Variants in CDC42EP4 observed in about 807,000 individuals in gnomAD.
The protein encoded by CDC42EP4 is CDC42 effector protein (Rho GTPase binding) 4.
In CDC42EP4, 6 loss-of-function variants were observed where a neutral mutation model predicts 5.6. The observed-to-expected ratio is 1.07, with a 90% CI of 0.59 to 2.12. CDC42EP4 has a LOEUF of 2.12. CDC42EP4 is among the 30% of genes most tolerant of loss of function. CDC42EP4 has a pLI of 0.00. For missense variants in CDC42EP4, 490 were observed against 508.6 expected, an observed-to-expected ratio of 0.96 and a Z score of 0.35; for synonymous variants, 230 against 224.2, an observed-to-expected ratio of 1.03 and a Z score of -0.23.
At position 73,299,444 on chromosome 17, in the gene CDC42EP4, T is replaced by A. The variant is rs5821958; in HGVS notation, c.-113+12449A>T. ...GACTCCGTCCTAAAAAAAAAAAAAA[T>A]ACACACACACACACACACACACACA... is the stretch of plus-strand genomic sequence containing the variant. On this transcript the variant is annotated intron_variant, in intron 1 of 1. Transcript: ENST00000335793. 1.4e-3 allele frequency among the ~76,000 whole-genome samples: 173 copies of A among 127,968 alleles called. 1 individual carries two copies. Among genetic ancestry groups the A allele is most frequent in the South Asian group, 5.3e-3 (20 of 3,760 alleles). 84.0% of individuals were successfully genotyped at this position (127,968 alleles called of 152,430 possible). A position where few individuals can be genotyped will look rare whatever the true frequency, so the allele number is the denominator to read the frequency against.
chr17:73,300,412 G>T (rs2145321838), intron 1 of CDC42EP4, among the ~76,000 whole-genome samples: 1 of 152,282 alleles, frequency 6.6e-6, no homozygotes, highest in African/African-American at 2.4e-5. Context: ...AGGGATCATA[G>T]AGTGACCTGG....
Position 73,295,554 on chromosome 17 carries a change from G to T in CDC42EP4, c.-112-8942C>A, listed in dbSNP as rs1414134316. On this transcript the variant is annotated intron_variant, in intron 1 of 1. Coordinates refer to ENST00000335793, the MANE Select transcript of CDC42EP4 (RefSeq NM_012121.5). ...GTCAAAATGGTCCCAGGGTGGGGTG[G>T]TCTTGCGGTACATGAAACTCCAGCA... 2.0e-5 allele frequency among the ~76,000 whole-genome samples: 3 copies of T among 152,160 alleles called. No individual in the cohort carries two copies. In the East Asian group the frequency reaches 5.8e-4, roughly 29 times the overall value.
chr17:73,298,606 C>T (rs2062200651), intron 1 of CDC42EP4, among the ~76,000 whole-genome samples: 1 of 152,238 alleles, frequency 6.6e-6, no homozygotes, highest in Non-Finnish European at 1.5e-5. Flanking sequence ...ATGAGGGCAA[C>T]CAGCACCCAG....
chr17:73,301,696 G>A (rs1423762221), intron 1 of CDC42EP4, among the ~76,000 whole-genome samples: 1 of 146,876 alleles, frequency 6.8e-6, no homozygotes, highest in Non-Finnish European at 1.5e-5. Context: ...ACAGGCACAC[G>A]CCACCATGCC....
rs746775824 is a variant in CDC42EP4 at position 73,285,643 on chromosome 17, C to G, written c.858G>C (p.Trp286Cys). 1.1e-4 allele frequency: 176 copies of G among 1,595,430 alleles called. No individual in the cohort carries two copies. Among genetic ancestry groups the G allele is most frequent in the Non-Finnish European group, 1.5e-4 (172 of 1,169,016 alleles). Reference sequence around the variant, plus strand: ...AGCCGGGGCTGGGGGCCGCTGCTGCCCACCCCTCATCCTCCAGAGCATGGG... The same window carrying G: ...AGCCGGGGCTGGGGGCCGCTGCTGCGCACCCCTCATCCTCCAGAGCATGGG... ...LPSHALEDEG[W>C]AAAAPSPGSA... is the part of the protein sequence containing the mutation. Residue 286 changes from tryptophan (W) to cysteine (C), a missense_variant, in exon 2 of 2, where the codon TGG (tryptophan) becomes TGC (cysteine). Transcript: ENST00000335793. This position sits in a 1 kb window ranked among gnomAD's most constrained non-coding sequence, Gnocchi z 6.8.
intron 1 of CDC42EP4, among the ~76,000 whole-genome samples, chr17:73,288,032 C>G (rs1012322761): frequency 1.3e-5 from 2 of 152,190 alleles, no homozygotes; most frequent in African/African-American, 4.8e-5. Context: ...GATCTATCCC[C>G]TGAGCTGCAG....
At chr17:73,289,326 C>A (rs1751577141) in intron 1 of CDC42EP4, among the ~76,000 whole-genome samples, 1 of 151,146 alleles carries the variant, frequency 6.6e-6, no homozygotes, top group Non-Finnish European at 1.5e-5. Flanking sequence ...GGTGAGACCC[C>A]ATCTCTACAC....
At chr17:73,290,328 C>T (rs2062155671) in intron 1 of CDC42EP4, among the ~76,000 whole-genome samples, 1 of 152,220 alleles carries the variant, frequency 6.6e-6, no homozygotes, top group Non-Finnish European at 1.5e-5. Context: ...GGTCAGTGAC[C>T]ACCGACCACT....
At chr17:73,293,137 C>T (rs28449774) in intron 1 of CDC42EP4, among the ~76,000 whole-genome samples, 28,877 of 152,140 alleles carry the variant, frequency 0.19, 3,251 homozygotes, top group East Asian at 0.37. Context: ...CATGAGCCAC[C>T]GCACCCAGCC....
intron 1 of CDC42EP4, among the ~76,000 whole-genome samples, chr17:73,303,662 C>CAAAAGAAA (rs58048954): frequency 2.6e-4 from 22 of 83,928 alleles, no homozygotes; most frequent in African/African-American, 9.5e-4. Context: ...ACTCTGTCTC[C>CAAAAGAAA]AAAAAAAAAA....
At chr17:73,303,857 C>T (rs538768827) in intron 1 of CDC42EP4, among the ~76,000 whole-genome samples, 1 of 152,140 alleles carries the variant, frequency 6.6e-6, no homozygotes, top group Non-Finnish European at 1.5e-5. Flanking sequence ...AAGGAATGCA[C>T]AATTCTTACA....
intron 1 of CDC42EP4, among the ~76,000 whole-genome samples, chr17:73,297,704 G>A (rs2062195908): frequency 6.6e-6 from 1 of 151,818 alleles, no homozygotes; most frequent in Non-Finnish European, 1.5e-5. Flanking sequence ...TATCGCCCAG[G>A]CTGGAGTGTA....
At chr17:73,296,599 G>A (rs2062187036) in intron 1 of CDC42EP4, among the ~76,000 whole-genome samples, 2 of 152,142 alleles carry the variant, frequency 1.3e-5, no homozygotes, top group Non-Finnish European at 2.9e-5. Context: ...TTAAATGGAA[G>A]TGCAAACAAA....
intron 1 of CDC42EP4, among the ~76,000 whole-genome samples, chr17:73,287,485 C>G (rs1568340358): frequency 6.6e-6 from 1 of 152,014 alleles, no homozygotes; most frequent in Non-Finnish European, 1.5e-5. Context: ...ACCAGAAATC[C>G]AAAAAACAGC....
intron 1 of CDC42EP4, among the ~76,000 whole-genome samples, chr17:73,298,028 C>T (rs7225861): frequency 0.33 from 48,629 of 149,568 alleles, 8,198 homozygotes; most frequent in Middle Eastern, 0.39. Flanking sequence ...GTATCAAAGG[C>T]TTAAAGAAAA....
intron 1 of CDC42EP4, among the ~76,000 whole-genome samples, chr17:73,291,481 G>T (rs1235314163): frequency 6.6e-6 from 1 of 152,210 alleles, no homozygotes; most frequent in Non-Finnish European, 1.5e-5. Context: ...GAGGTGACGA[G>T]CTGGATCATA....
intron 1 of CDC42EP4, among the ~76,000 whole-genome samples, chr17:73,301,710 C>CTTTTTT (rs35550966): frequency 1.5e-5 from 2 of 131,394 alleles, no homozygotes; most frequent in African/African-American, 5.7e-5. Flanking sequence ...CCATGCCCAG[C>CTTTTTT]TTTTTTTTTT....
chr17:73,300,623 T>C (rs184475718), intron 1 of CDC42EP4, among the ~76,000 whole-genome samples: 203 of 152,174 alleles, frequency 1.3e-3, no homozygotes, highest in Admixed American at 7.1e-3. Context: ...AGAAGTTACT[T>C]AATGGGTACA....
rs199935261 is a variant in CDC42EP4, at chr17:73,297,268, T to C, written c.-112-10656A>G. On this transcript the variant is annotated intron_variant, in intron 1 of 1. Coordinates refer to ENST00000335793, the MANE Select transcript of CDC42EP4 (RefSeq NM_012121.5). ...AAGGTCGCGCCATTGCACTCCAGCC[T>C]GGGGGACAAGAGCAAGACTTCGTCT... Among the ~76,000 whole-genome samples the C allele has an allele frequency of 6.1e-5, 8 of 132,224 alleles. No individual in the cohort carries two copies. In the East Asian group the frequency reaches 1.5e-3, roughly 25 times the overall value. 86.7% of individuals were successfully genotyped at this position (132,224 alleles called of 152,430 possible).
Sources: allele counts gnomAD v4.1 joint callset (sites outside exome capture counted in the v4.1 genomes callset), GRCh38; gene constraint gnomAD v4.1.1; non-coding constraint Gnocchi (gnomAD v3.1); transcripts MANE v1.5; gene names NCBI Gene and HGNC (gene_info 2026-07-23, HGNC 2026-07-21).